FBXO10: variants seen among roughly 807,000 people sequenced by gnomAD.
FBXO10 encodes the protein F-box only protein 10.
Under a neutral mutation model 80.7 loss-of-function variants are expected in FBXO10, and 39 were observed. The ratio of observed to expected loss-of-function variants is 0.48; its 90% confidence interval spans 0.37 to 0.63. The LOEUF (loss-of-function observed/expected upper bound fraction) is 0.63, where lower values mean the gene tolerates loss of function less well. Among genes scored for constraint, FBXO10 ranks in the 30% least tolerant of loss-of-function variants. FBXO10 has a pLI of 0.00. For missense variants in FBXO10, 1,025 were observed against 1,269.0 expected, an observed-to-expected ratio of 0.81 and a Z score of 2.92; for synonymous variants, 449 against 489.6, an observed-to-expected ratio of 0.92 and a Z score of 1.09.
At chr9:37,517,439 G>A (rs1391003304) in intron 9 of FBXO10, among the ~76,000 whole-genome samples, 1 of 139,296 alleles carries the variant, frequency 7.2e-6, no homozygotes, top group African/African-American at 3.2e-5. Flanking sequence ...ACAGTGAAAC[G>A]GAGCTCTGCA....
At chr9:37,534,017 A>G (rs1221951659) in intron 3 of FBXO10, among the ~76,000 whole-genome samples, 1 of 152,144 alleles carries the variant, frequency 6.6e-6, no homozygotes, top group Non-Finnish European at 1.5e-5. Context: ...GTTAGGTGCA[A>G]ATACTATAAC....
At chr9:37,553,903 C>T (rs1337136008) in intron 1 of FBXO10, among the ~76,000 whole-genome samples, 4 of 92,876 alleles carry the variant, frequency 4.3e-5, no homozygotes, top group Non-Finnish European at 5.9e-5. Context: ...GCAAAAAGAG[C>T]GAAAGTCTGC....
intron 3 of FBXO10, among the ~76,000 whole-genome samples, chr9:37,533,118 G>T (rs1000169165): frequency 1.3e-5 from 2 of 151,944 alleles, no homozygotes; most frequent in Non-Finnish European, 2.9e-5. Context: ...TGCTAATAAA[G>T]GGATATATTT....
intron 7 of FBXO10, 127 bp from the exon 8 acceptor site, chr9:37,521,965 C>A (rs34765971): frequency 0.11 from 117,646 of 1,047,110 alleles, 7,330 homozygotes; most frequent in Middle Eastern, 0.16. Flanking sequence ...TGACCTCGGA[C>A]AAGCCACCTG....
chr9:37,568,181 G>A (rs1822657530), intron 1 of FBXO10, among the ~76,000 whole-genome samples: 1 of 152,032 alleles, frequency 6.6e-6, no homozygotes, highest in Non-Finnish European at 1.5e-5. Context: ...AATCCTGACA[G>A]TTTTCTCAAG....
intron 1 of FBXO10, among the ~76,000 whole-genome samples, chr9:37,555,129 C>A (rs1333960046): frequency 6.6e-6 from 1 of 152,110 alleles, no homozygotes; most frequent in Non-Finnish European, 1.5e-5. Context: ...CAGTTCATTG[C>A]AACCTCGAAT....
At chr9:37,541,838 A>AT in intron 1 of FBXO10, 64 bp from the exon 2 acceptor site, 3 of 1,360,068 alleles carry the variant, frequency 2.2e-6, no homozygotes, top group South Asian at 1.5e-5. Flanking sequence ...CCCCTTTTTT[A>AT]TTTTTTTGAG....
At chr9:37,566,838 G>A (rs554951536) in intron 1 of FBXO10, among the ~76,000 whole-genome samples, 16 of 152,180 alleles carry the variant, frequency 1.1e-4, no homozygotes, top group African/African-American at 1.7e-4. Flanking sequence ...TCTCTTCAGC[G>A]TGAGAAATAA....
chr9:37,538,119 A>G (rs1207697438), intron 2 of FBXO10, among the ~76,000 whole-genome samples, 176 bp from the exon 3 acceptor site: 1 of 152,090 alleles, frequency 6.6e-6, no homozygotes, highest in Non-Finnish European at 1.5e-5. Flanking sequence ...GCTGCTCTGC[A>G]TCAGAGAGGG....
intron 9 of FBXO10, among the ~76,000 whole-genome samples, chr9:37,517,780 C>T (rs1050451672): frequency 6.6e-6 from 1 of 152,228 alleles, no homozygotes; most frequent in Non-Finnish European, 1.5e-5. Flanking sequence ...ACAGCAGGCA[C>T]TGTGCATGAT....
At chr9:37,550,225 C>T (rs1822162787) in intron 1 of FBXO10, among the ~76,000 whole-genome samples, 1 of 104,814 alleles carries the variant, frequency 9.5e-6, no homozygotes, top group Non-Finnish European at 1.8e-5. Context: ...CTCTGTTGCT[C>T]AGGCTGGAGT....
At chr9:37,568,815 T>C (rs1327728931) in intron 1 of FBXO10, among the ~76,000 whole-genome samples, 2 of 152,150 alleles carry the variant, frequency 1.3e-5, no homozygotes, top group Non-Finnish European at 2.9e-5. Flanking sequence ...TCACCACTTA[T>C]AACGGAAATC....
intron 5 of FBXO10, among the ~76,000 whole-genome samples, chr9:37,526,000 A>G (rs1821463212): frequency 6.6e-6 from 1 of 152,116 alleles, no homozygotes; most frequent in African/African-American, 2.4e-5. Context: ...GACTACCAGC[A>G]TGAGTAACTG....
chr9:37,514,706 C>T (rs1377237183), intron 10 of FBXO10, among the ~76,000 whole-genome samples: 1 of 151,808 alleles, frequency 6.6e-6, no homozygotes, highest in Non-Finnish European at 1.5e-5. Flanking sequence ...TGGTGGTGGG[C>T]GCCTGTAATC....
intron 1 of FBXO10, among the ~76,000 whole-genome samples, chr9:37,550,869 C>T (rs928198935): frequency 2.0e-5 from 3 of 152,194 alleles, no homozygotes; most frequent in African/African-American, 7.2e-5. Flanking sequence ...AAAGTGCATC[C>T]ATCCCAATAG....
In FBXO10 at chr9:37,529,144, G is replaced by A; in HGVS notation, c.1686C>T (p.Tyr562=). 1 of 1,613,976 alleles carries A rather than the reference G, an allele frequency of 6.2e-7. No individual in the cohort carries two copies. The highest frequency in any genetic ancestry group is 8.5e-7 in the Non-Finnish European group (1 of 1,179,884). ...CACACCTCACAACGGGGTTTCCGTGGTACAGGATGTAAATGCCAGCCTCCT... is the reference window on the plus strand; with the variant it reads ...CACACCTCACAACGGGGTTTCCGTGATACAGGATGTAAATGCCAGCCTCCT... ...SNKEAGIYIL[Y]HGNPVVSGNH... The change falls in exon 5 of 11, where the codon TAC becomes TAT. Residue 562 remains tyrosine, a synonymous_variant. Transcript: ENST00000432825.
chr9:37,545,920 G>C (rs1822044659), intron 1 of FBXO10, among the ~76,000 whole-genome samples: 1 of 152,186 alleles, frequency 6.6e-6, no homozygotes, highest in East Asian at 1.9e-4. Flanking sequence ...GCGGAGGTGG[G>C]TGGATCACTT....
intron 6 of FBXO10, among the ~76,000 whole-genome samples, chr9:37,523,603 C>A (rs1821395355): frequency 6.6e-6 from 1 of 151,988 alleles, no homozygotes; most frequent in South Asian, 2.1e-4. Flanking sequence ...TCCAAAAAAC[C>A]AACCAACCAA....
intron 1 of FBXO10, among the ~76,000 whole-genome samples, chr9:37,569,781 G>C (rs1822701386): frequency 1.3e-5 from 2 of 152,178 alleles, no homozygotes; most frequent in Admixed American, 6.5e-5. Context: ...GCTGCAGTTA[G>C]CTATGATCAC....
Sources: allele counts gnomAD v4.1 joint callset (sites outside exome capture counted in the v4.1 genomes callset), GRCh38; gene constraint gnomAD v4.1.1; transcripts MANE v1.5; gene names NCBI Gene and HGNC (gene_info 2026-07-23, HGNC 2026-07-21).